The following SCLT1 variants were observed in gnomAD, a reference collection of about 807,000 sequenced individuals.
The protein encoded by SCLT1 is sodium channel and clathrin linker 1.
A neutral mutation model predicts 112.8 loss-of-function variants in SCLT1; 78 were observed. That is an observed-to-expected ratio of 0.69 (90% CI 0.58 to 0.83). The LOEUF is 0.83. SCLT1 is among the 40% of genes least tolerant of loss of function. The probability of loss-of-function intolerance (pLI) is 0.00; values close to 1 mark genes in which losing one functional copy is unlikely to be tolerated. For missense variants in SCLT1, 747 were observed against 770.4 expected, an observed-to-expected ratio of 0.97 and a Z score of 0.36; for synonymous variants, 257 against 254.7, an observed-to-expected ratio of 1.01 and a Z score of -0.09.
chr4:128,978,273 A>G (rs1049368221), intron 9 of SCLT1, among the ~76,000 whole-genome samples: 1 of 152,188 alleles, frequency 6.6e-6, no homozygotes, highest in Non-Finnish European at 1.5e-5. Flanking sequence ...AATCAAGGTC[A>G]GAGGTGTATA....
At chr4:129,085,977 C>G (rs1561070379) in intron 1 of SCLT1, among the ~76,000 whole-genome samples, 3 of 151,986 alleles carry the variant, frequency 2.0e-5, no homozygotes. Context: ...ACCTATATAA[C>G]AAACCTGCAC....
chr4:128,988,259 C>CA (rs553764084), intron 9 of SCLT1, among the ~76,000 whole-genome samples: 2 of 151,678 alleles, frequency 1.3e-5, no homozygotes, highest in Non-Finnish European at 2.9e-5. Context: ...ACAGACTTAC[C>CA]AAAAATTATA....
chr4:128,887,645 T>C (rs1253172233), intron 20 of SCLT1, among the ~76,000 whole-genome samples: 2 of 152,232 alleles, frequency 1.3e-5, no homozygotes, highest in African/African-American at 4.8e-5. Flanking sequence ...GGTCTCATTT[T>C]GTTCCTCATA....
rs913903415 is a variant in SCLT1 at position 129,056,705 on chromosome 4, A to G, written c.103-12654T>C. ...ATTTTGTATTCTGCAACTTTACTTA[A>G]TTTGTTGATCAGTTCTAAGAGTGTT... On this transcript the variant is annotated intron_variant, in intron 2 of 20. Transcript: ENST00000281142. Among the ~76,000 whole-genome samples, 246 of 152,200 alleles carry G rather than the reference A, an allele frequency of 1.6e-3. 3 individuals are homozygous for G. The highest frequency in any genetic ancestry group is 4.7e-4 in the Non-Finnish European group (32 of 68,008).
Position 128,946,100 on chromosome 4 carries a change from A to T in SCLT1, c.1346T>A (p.Met449Lys). 1 of 1,609,478 alleles carries T rather than the reference A, an allele frequency of 6.2e-7. No homozygotes were observed. Among genetic ancestry groups the T allele is most frequent in the Non-Finnish European group, 8.5e-7 (1 of 1,176,148 alleles). The change falls in exon 16 of 21, where the codon ATG (methionine) becomes AAG (lysine). Residue 449 changes from methionine to lysine, a missense_variant. Around this residue, in one of 2 missense-constraint regions of SCLT1, gnomAD observed 723 missense variants for 721.3 expected, o/e 1.00. Coordinates refer to ENST00000281142, the MANE Select transcript of SCLT1 (RefSeq NM_144643.4). ...NESDYRKLEE[M>K]HQRFLVSERS... is the part of the protein sequence containing the mutation. ...CTCTGAAACCAGGAATCTTTGGTGCATTTCTTCCAGTTTTCTGTAATCACT... is the reference window on the plus strand; with the variant it reads ...CTCTGAAACCAGGAATCTTTGGTGCTTTTCTTCCAGTTTTCTGTAATCACT...
chr4:128,989,617 A>G (rs1413927172), intron 9 of SCLT1, among the ~76,000 whole-genome samples: 1 of 151,834 alleles, frequency 6.6e-6, no homozygotes. Context: ...AATAATAAAG[A>G]GCAGAGCAGA....
At chr4:129,066,883 C>T (rs1006870858) in intron 2 of SCLT1, among the ~76,000 whole-genome samples, 1 of 151,916 alleles carries the variant, frequency 6.6e-6, no homozygotes, top group African/African-American at 2.4e-5. Context: ...TTGAAAAACA[C>T]TAAGTTAAGG....
chr4:128,912,692 C>CCTTCCCCTCCTCCT (rs1434862377), intron 18 of SCLT1, among the ~76,000 whole-genome samples: 30 of 152,088 alleles, frequency 2.0e-4, no homozygotes, highest in Admixed American at 7.2e-4. Context: ...TCCTCCTCCT[C>CCTTCCCCTCCTCCT]CTTCCCCTCC....
At chr4:128,992,436 C>T (rs980890203) in intron 8 of SCLT1, among the ~76,000 whole-genome samples, 199 bp from the exon 9 acceptor site, 1 of 151,900 alleles carries the variant, frequency 6.6e-6, no homozygotes, top group African/African-American at 2.4e-5. Flanking sequence ...CTTGAAACTA[C>T]CTACACCTGC....
intron 10 of SCLT1, among the ~76,000 whole-genome samples, chr4:128,966,193 T>C (rs1740175984): frequency 6.6e-6 from 1 of 150,394 alleles, no homozygotes; most frequent in South Asian, 2.1e-4. Flanking sequence ...TCAAACTCCT[T>C]GGATCAAGTG....
intron 12 of SCLT1, among the ~76,000 whole-genome samples, chr4:128,957,371 C>T (rs766283258): frequency 2.0e-5 from 3 of 152,162 alleles, no homozygotes; most frequent in Non-Finnish European, 4.4e-5. Context: ...CTAATCTCTA[C>T]AGCCAGAAAT....
At chr4:129,015,207 G>A (rs183457349) in intron 5 of SCLT1, among the ~76,000 whole-genome samples, 4 of 152,216 alleles carry the variant, frequency 2.6e-5, no homozygotes, top group Non-Finnish European at 5.9e-5. Context: ...AAACCTGCCC[G>A]CACAGACATG....
At chr4:128,975,586 C>T (rs1255231348) in intron 9 of SCLT1, among the ~76,000 whole-genome samples, 1 of 152,014 alleles carries the variant, frequency 6.6e-6, no homozygotes, top group Non-Finnish European at 1.5e-5. Flanking sequence ...TTTTTGCATA[C>T]AGTGAAAAAT....
chr4:129,090,797 G>A (rs1273101012), intron 1 of SCLT1, among the ~76,000 whole-genome samples: 1 of 152,198 alleles, frequency 6.6e-6, no homozygotes, highest in Non-Finnish European at 1.5e-5. Context: ...AAAGGTGGAA[G>A]AACGGTGCAC....
At chr4:128,922,569 A>G (rs959611706) in intron 18 of SCLT1, among the ~76,000 whole-genome samples, 1 of 152,220 alleles carries the variant, frequency 6.6e-6, no homozygotes, top group Non-Finnish European at 1.5e-5. Context: ...CAAATACTGC[A>G]TGTTCTCACT....
chr4:128,887,040 C>T (rs1732945092), intron 20 of SCLT1, among the ~76,000 whole-genome samples: 1 of 152,044 alleles, frequency 6.6e-6, no homozygotes, highest in South Asian at 2.1e-4. Context: ...TCTTTTGATC[C>T]TTTAATAACC....
intron 5 of SCLT1, among the ~76,000 whole-genome samples, chr4:129,032,408 C>G (rs1442886652): frequency 6.6e-6 from 1 of 152,076 alleles, no homozygotes; most frequent in African/African-American, 2.4e-5. Context: ...CCAGGCAATA[C>G]CATTCAGGAC....
chr4:129,013,060 G>A (rs1490602801), intron 5 of SCLT1, among the ~76,000 whole-genome samples: 1 of 152,052 alleles, frequency 6.6e-6, no homozygotes, highest in African/African-American at 2.4e-5. Flanking sequence ...TGTCACAGGG[G>A]TTTGTTGTAC....
chr4:129,072,478 C>A (rs1170563610), intron 2 of SCLT1, among the ~76,000 whole-genome samples: 1 of 152,104 alleles, frequency 6.6e-6, no homozygotes, highest in African/African-American at 2.4e-5. Flanking sequence ...TTCCAGACTT[C>A]TTGGAGGCTT....
Sources: gnomAD v4.1 joint callset for allele counts (sites outside exome capture counted in the v4.1 genomes callset) on GRCh38, gnomAD v4.1.1 for gene constraint, gnomAD v4.1.1 regional missense constraint, MANE v1.5 for transcripts, NCBI Gene and HGNC (gene_info 2026-07-23, HGNC 2026-07-21) for gene names.